The following BRWD3 variants were observed in gnomAD, a reference collection of about 807,000 sequenced individuals.
BRWD3 encodes bromodomain and WD repeat-containing protein 3.
In BRWD3, 10 loss-of-function variants were observed where a neutral mutation model predicts 149.7. The observed-to-expected ratio is 0.07, with a 90% CI of 0.04 to 0.11. The LOEUF is 0.11. BRWD3 is among the 10% of genes least tolerant of loss of function. The pLI is 1.00. For synonymous variants in BRWD3, 504 were observed against 456.7 expected (o/e 1.10, Z -1.32); for missense variants, 940 against 1,373.2 (o/e 0.68, Z 4.99).
chrX:80,689,974 A>G lies in BRWD3; in HGVS notation c.3721T>C (p.Phe1241Leu). The change falls in exon 32 of 41, where the codon TTT becomes CTT. Residue 1241 changes from phenylalanine (F) to leucine (L), a missense_variant. Physicochemically the swap from Phe to Leu is conservative, Grantham distance 22 (BLOSUM62 0). Around this residue, in one of 6 missense-constraint regions of BRWD3, gnomAD observed 349 missense variants for 419.6 expected, o/e 0.83. Coordinates refer to ENST00000373275, the MANE Select transcript of BRWD3 (RefSeq NM_153252.5). ...AKIVTDVLLR[F>L]IGDQSCTDIL... ...GCTAAAACTGCTTCTTACCCAATAA[A>G]TCGAAGTAAGACATCAGTTACAATT... 8.3e-7 allele frequency: 1 copy of G among 1,208,809 alleles called. No individual in the cohort carries two copies. The highest frequency in any genetic ancestry group is 1.1e-6 in the Non-Finnish European group (1 of 893,661).
chrX:80,748,012 G>T (rs758806992), intron 6 of BRWD3, among the ~76,000 whole-genome samples: 1 of 111,106 alleles, frequency 9.0e-6, no homozygotes, highest in South Asian at 3.8e-4. Context: ...GGCGAGAATG[G>T]GCATCTTTTT....
At chrX:80,760,407 T>C (rs1297435470) in intron 6 of BRWD3, among the ~76,000 whole-genome samples, 1 of 111,895 alleles carries the variant, frequency 8.9e-6, no homozygotes, top group Non-Finnish European at 1.9e-5. Flanking sequence ...TAAAACTGAA[T>C]ACAATTCAAA....
rs1234929907 is a variant in BRWD3, at chrX:80,685,447, G to C, written c.4080+15C>G. ...AAAACAATCAATATGTCTTTTAAGA[G>C]ACTACCAGGCCTACCTCAGAAAGAG... is the stretch of plus-strand genomic sequence containing the variant. On this transcript the variant is annotated intron_variant, in intron 36 of 40. Coordinates refer to ENST00000373275, the MANE Select transcript of BRWD3 (RefSeq NM_153252.5). The C allele has an allele frequency of 2.5e-6, 3 of 1,184,841 alleles. No individual in the cohort carries two copies. The highest frequency in any genetic ancestry group is 2.3e-4 in the Middle Eastern group (1 of 4,266).
chrX:80,744,238 A>T lies in BRWD3; in HGVS notation c.607T>A (p.Leu203Ile). ...TCATCTGTAGCCCAAATTTTTACTA[A>T]ACAGTCATCTGAACCCTATAGTAAC... ...RRIFTGSDDC[L>I]VKIWATDDGR... The change falls in exon 8 of 41, where the codon TTA becomes ATA. Residue 203 changes from leucine to isoleucine, a missense_variant. Transcript: ENST00000373275. The T allele has an allele frequency of 8.3e-7, 1 of 1,205,576 alleles. No homozygotes were observed. Among genetic ancestry groups the T allele is most frequent in the Non-Finnish European group, 1.1e-6 (1 of 889,771 alleles).
rs986176152 is a variant in BRWD3, at chrX:80,696,083, T to C, written c.3069-93A>G. 13 of 810,922 alleles carry C rather than the reference T, an allele frequency of 1.6e-5. No individual in the cohort carries two copies. In the South Asian group the frequency reaches 2.1e-4, roughly 13 times the overall value. 66.8% of individuals were successfully genotyped at this position (810,922 alleles called of 1,213,427 possible). ...AGGATATATGTTTATTGTAGACCCA[T>C]TGAGAAAAGTTTGCAAACCTCACAG... On this transcript the variant is annotated intron_variant, in intron 26 of 40. Coordinates refer to ENST00000373275, the MANE Select transcript of BRWD3 (RefSeq NM_153252.5).
chrX:80,754,349 G>C (rs2073710829), intron 6 of BRWD3, among the ~76,000 whole-genome samples: 1 of 111,652 alleles, frequency 9.0e-6, no homozygotes, highest in African/African-American at 3.3e-5. Flanking sequence ...TTTGTACTTT[G>C]ATTTTGTAAC....
intron 8 of BRWD3, among the ~76,000 whole-genome samples, chrX:80,742,873 T>C (rs1283162733): frequency 9.0e-6 from 1 of 111,485 alleles, no homozygotes; most frequent in Non-Finnish European, 1.9e-5. Context: ...TTTTCCTAAT[T>C]GAATACCCTT....
intron 19 of BRWD3, chrX:80,717,346 A>G: frequency 2.4e-6 from 1 of 412,041 alleles, no homozygotes; most frequent in South Asian, 3.6e-5. Context: ...AACTCAGAAC[A>G]GAGATAATGT....
In BRWD3 at chrX:80,771,948, C is replaced by A. The variant is rs774993546; in HGVS notation, c.430+19906G>T. Among the ~76,000 whole-genome samples the A allele has an allele frequency of 3.6e-5, 4 of 111,412 alleles. No individual in the cohort carries two copies. In the South Asian group the frequency reaches 1.5e-3, roughly 42 times the overall value. On this transcript the variant is annotated intron_variant, in intron 6 of 40. Coordinates refer to ENST00000373275, the MANE Select transcript of BRWD3 (RefSeq NM_153252.5). ...ATCTCACACCAGTTAGAATGGCGAT[C>A]ATTAATAAGTCAGGAAACAACAGAT...
chrX:80,790,624 TAGTTA>T (rs1200316387), intron 6 of BRWD3, among the ~76,000 whole-genome samples: 1 of 110,726 alleles, frequency 9.0e-6, no homozygotes, highest in Non-Finnish European at 1.9e-5. Context: ...AGTATATGCT[TAGTTA>T]AAAGAAAAAA....
intron 21 of BRWD3, among the ~76,000 whole-genome samples, chrX:80,707,983 C>T (rs1265228991): frequency 7.7e-4 from 86 of 112,095 alleles, no homozygotes; most frequent in Non-Finnish European, 5.6e-5. Flanking sequence ...CTGCCTTATA[C>T]TCTAGCATTA....
chrX:80,740,315 A>G (rs2073467161), intron 8 of BRWD3, among the ~76,000 whole-genome samples: 1 of 112,476 alleles, frequency 8.9e-6, no homozygotes, highest in Non-Finnish European at 1.9e-5. Context: ...AACAGAAAGA[A>G]GAGGACAAAA....
In BRWD3 at chrX:80,692,754, G is replaced by T. The variant is rs189394013; in HGVS notation, c.3263+186C>A. Among the ~76,000 whole-genome samples the T allele has an allele frequency of 6.7e-3, 750 of 111,575 alleles. 6 individuals carry two copies. The highest frequency in any genetic ancestry group is 0.022 in the African/African-American group (683 of 30,771). The stretch of plus-strand genomic sequence containing the variant: ...CTTTGTTTTAGTCAAAGAAAACAAA[G>T]AACTTTGCTTTGACTAAAACAAGGG... On this transcript the variant is annotated intron_variant, in intron 28 of 40. Transcript: ENST00000373275.
chrX:80,793,736 G>A lies in BRWD3; in HGVS notation c.217C>T (p.Leu73Phe). ...ANAHIPPDYL[L>F]KICERIGPLL... ...GGACCAATTCTCTCACAAATTTTAA[G>A]GAGGTAGTCTGGAGGAATGTGTGCA... The change falls in exon 5 of 41, where the codon CTT (leucine) becomes TTT (phenylalanine). Residue 73 changes from leucine (L) to phenylalanine (F), a missense_variant. Leu to Phe is a conservative substitution (Grantham distance 22). Transcript: ENST00000373275. The A allele has an allele frequency of 8.3e-7, 1 of 1,208,938 alleles. No individual in the cohort carries two copies. The highest frequency in any genetic ancestry group is 1.1e-6 in the Non-Finnish European group (1 of 893,032).
At chrX:80,784,362 A>G (rs2074086941) in intron 6 of BRWD3, among the ~76,000 whole-genome samples, 2 of 112,343 alleles carry the variant, frequency 1.8e-5, no homozygotes, top group Non-Finnish European at 3.8e-5. Flanking sequence ...CAACAATACT[A>G]GTTCTTCAAA....
At position 80,791,939 on chromosome X, in the gene BRWD3, T is replaced by A. The variant is rs201683302; in HGVS notation, c.345A>T (p.Thr115=). 1.4e-5 allele frequency: 17 copies of A among 1,192,722 alleles called. No homozygotes were observed. The East Asian group carries it at 5.1e-4, about 36-fold the overall frequency. Residue 115 remains threonine (T), a synonymous_variant, in exon 6 of 41, where the codon ACA becomes ACT. Transcript: ENST00000373275. ...CCGCAAAAGCAGACCCATTCCATAG[T>A]GTACTCTTACAGTCTATATAAAAAG... is the stretch of plus-strand genomic sequence containing the variant. The part of the protein sequence containing the change: ...LLRDAKDCKS[T]LWNGSAFAAL...
chrX:80,808,480 C>G, intron 4 of BRWD3, 59 bp downstream of exon 4: 2 of 961,104 alleles, frequency 2.1e-6, no homozygotes, highest in East Asian at 6.5e-5. Context: ...GTTGGGGGTA[C>G]AAGGTGGGGA....
intron 15 of BRWD3, among the ~76,000 whole-genome samples, chrX:80,724,118 T>C (rs2073188048): frequency 9.0e-6 from 1 of 111,642 alleles, no homozygotes. Context: ...AAATACTAAA[T>C]GAGTGACTGT....
chrX:80,681,969 G>C (rs765449174), intron 39 of BRWD3, 28 bp downstream of exon 39: 1 of 1,124,783 alleles, frequency 8.9e-7, no homozygotes, highest in East Asian at 3.0e-5. Flanking sequence ...CCGAGATGCA[G>C]AACACCAAAA....
Sources: gnomAD v4.1 joint callset for allele counts (sites outside exome capture counted in the v4.1 genomes callset) on GRCh38, gnomAD v4.1.1 for gene constraint, gnomAD v4.1.1 regional missense constraint, MANE v1.5 for transcripts, NCBI Gene and HGNC (gene_info 2026-07-23, HGNC 2026-07-21) for gene names.